POLR3G: variants seen among roughly 807,000 people sequenced by gnomAD.
POLR3G encodes the protein RNA polymerase III subunit G.
POLR3G carries 28 observed loss-of-function variants against 30.1 expected under a neutral mutation model. The ratio of observed to expected loss-of-function variants is 0.93; its 90% CI spans 0.69 to 1.27. The LOEUF is 1.27. Ranked by LOEUF, POLR3G falls within the 50% of genes most tolerant of loss-of-function variation. POLR3G has a pLI of 0.00. For missense variants in POLR3G, 254 were observed against 264.6 expected (o/e 0.96, Z 0.28); for synonymous variants, 79 against 82.5 (o/e 0.96, Z 0.23).
At chr5:90,489,091 G>T (rs1297912784) in intron 3 of POLR3G, among the ~76,000 whole-genome samples, 1 of 152,004 alleles carries the variant, frequency 6.6e-6, no homozygotes, top group Non-Finnish European at 1.5e-5. Flanking sequence ...TCTCTCTCTA[G>T]AATAGTTTGA....
chr5:90,477,406 T>G (rs1458649804), intron 1 of POLR3G, among the ~76,000 whole-genome samples: 1 of 152,034 alleles, frequency 6.6e-6, no homozygotes, highest in Non-Finnish European at 1.5e-5. Context: ...AAAGGGAGAA[T>G]CCGGCCACAG....
intron 6 of POLR3G, 84 bp from the exon 7 acceptor site, chr5:90,506,444 T>G: frequency 1.3e-6 from 2 of 1,487,804 alleles, no homozygotes; most frequent in East Asian, 2.3e-5. Context: ...AATAAGGTGA[T>G]AGATAACTGT....
chr5:90,479,428 G>T (rs144473519), intron 1 of POLR3G, among the ~76,000 whole-genome samples: 2 of 152,112 alleles, frequency 1.3e-5, no homozygotes, highest in Admixed American at 1.3e-4. Context: ...AGCCGAGATC[G>T]CACCAATGCA....
chr5:90,493,323 T>C (rs1328400815), intron 3 of POLR3G, among the ~76,000 whole-genome samples: 5 of 152,140 alleles, frequency 3.3e-5, no homozygotes, highest in Non-Finnish European at 4.4e-5. Flanking sequence ...CTCAGCTCAC[T>C]GCAGCCTCCA....
chr5:90,507,054 G>A (rs937819525), intron 7 of POLR3G, among the ~76,000 whole-genome samples: 8 of 152,156 alleles, frequency 5.3e-5, no homozygotes, highest in African/African-American at 1.9e-4. Flanking sequence ...CCTGCAGTGT[G>A]TTTCAAATTC....
At chr5:90,493,603 T>A (rs1167773841) in intron 3 of POLR3G, among the ~76,000 whole-genome samples, 2 of 149,960 alleles carry the variant, frequency 1.3e-5, no homozygotes, top group Non-Finnish European at 1.5e-5. Flanking sequence ...CTATATAAAA[T>A]TTACTTTTTA....
intron 5 of POLR3G, among the ~76,000 whole-genome samples, chr5:90,500,468 T>C (rs1358653198): frequency 6.6e-6 from 1 of 152,174 alleles, no homozygotes; most frequent in East Asian, 1.9e-4. Flanking sequence ...GAAAAAGACT[T>C]CATGATGTAA....
chr5:90,480,133 A>G (rs765002388), intron 1 of POLR3G, among the ~76,000 whole-genome samples: 2 of 152,228 alleles, frequency 1.3e-5, no homozygotes, highest in Non-Finnish European at 2.9e-5. Context: ...AAATTGGGCC[A>G]TATGAAGTAG....
intron 6 of POLR3G, among the ~76,000 whole-genome samples, chr5:90,505,863 C>T (rs1752458068): frequency 6.6e-6 from 1 of 152,114 alleles, no homozygotes; most frequent in African/African-American, 2.4e-5. Flanking sequence ...TATTTTTCCC[C>T]TTTTATGTTA....
chr5:90,486,706 T>C (rs1451119749), intron 2 of POLR3G, among the ~76,000 whole-genome samples: 5 of 152,198 alleles, frequency 3.3e-5, no homozygotes, highest in African/African-American at 1.2e-4. Context: ...TCCACCTCCA[T>C]CCTCCATGCA....
In POLR3G at chr5:90,491,604, T is replaced by C. The variant is rs145308423; in HGVS notation, c.247+3475T>C. Reference sequence around the variant, plus strand: ...TAACTTTTATTCTTGCATAGAGGTTTTCTAAAGAAGAAACAGACATTTTCT... The same window carrying C: ...TAACTTTTATTCTTGCATAGAGGTTCTCTAAAGAAGAAACAGACATTTTCT... On this transcript the variant is annotated intron_variant, in intron 3 of 7. Transcript: ENST00000651687. Among the ~76,000 whole-genome samples, 1,154 of 152,168 alleles carry C rather than the reference T, an allele frequency of 7.6e-3. 45 individuals carry two copies. The highest frequency in any genetic ancestry group is 0.061 in the Admixed American group (931 of 15,284).
chr5:90,487,171 A>AAATATTG (rs1420098965), intron 2 of POLR3G, among the ~76,000 whole-genome samples: 2 of 152,128 alleles, frequency 1.3e-5, no homozygotes, highest in African/African-American at 4.8e-5. Flanking sequence ...GTAAAAGGAT[A>AAATATTG]AATATTGGTA....
At chr5:90,491,653 A>G (rs1246135494) in intron 3 of POLR3G, among the ~76,000 whole-genome samples, 1 of 152,110 alleles carries the variant, frequency 6.6e-6, no homozygotes, top group Non-Finnish European at 1.5e-5. Flanking sequence ...TCATTTTATC[A>G]TAGAATACCA....
At chr5:90,508,832 G>A (rs1232560310) in intron 7 of POLR3G, among the ~76,000 whole-genome samples, 1 of 152,172 alleles carries the variant, frequency 6.6e-6, no homozygotes, top group Admixed American at 6.5e-5. Flanking sequence ...GGGAGGCCAA[G>A]GCGGGTGGAT....
In POLR3G at chr5:90,497,709, A is replaced by T; in HGVS notation, c.355+3A>T. 6.2e-7 allele frequency: 1 copy of T among 1,603,890 alleles called. No individual in the cohort carries two copies. On this transcript the variant is annotated splice_donor_region_variant and intron_variant, in intron 5 of 7. Transcript: ENST00000651687. Reference sequence around the variant, plus strand: ...GCCAAGAAATAAATGTAAAAAAGGTACATTGACTAATATAATAGTAATTCA... The same window carrying T: ...GCCAAGAAATAAATGTAAAAAAGGTTCATTGACTAATATAATAGTAATTCA...
Position 90,512,042 on chromosome 5 carries a change from A to T in POLR3G, c.586-11A>T. ...TTTAACGTTTACAAAGGAATATATC[A>T]TTTCACTTAGGAAAATGACTACATT... On this transcript the variant is annotated splice_polypyrimidine_tract_variant and intron_variant, in intron 7 of 7. Transcript: ENST00000651687. 2 of 1,551,992 alleles carry T rather than the reference A, an allele frequency of 1.3e-6. No individual in the cohort carries two copies. Among genetic ancestry groups the T allele is most frequent in the Non-Finnish European group, 1.8e-6 (2 of 1,123,974 alleles).
Position 90,506,550 on chromosome 5 carries a change from G to A in POLR3G, c.461G>A (p.Gly154Asp). Reference sequence around the variant, plus strand: ...CAGGAATTGGAAAAAAGAGGTGATGGTGAAAAATCAGATGAGGAAAATGAA... The same window carrying A: ...CAGGAATTGGAAAAAAGAGGTGATGATGAAAAATCAGATGAGGAAAATGAA... ...KMEELEKRGDGEKSDEENEEK... is the reference protein window; with the variant it reads ...KMEELEKRGDDEKSDEENEEK... Residue 154 changes from glycine to aspartate, a missense_variant, in exon 7 of 8, where the codon GGT (glycine) becomes GAT (aspartate). Physicochemically the swap from Gly to Asp is moderately conservative, Grantham distance 94. Transcript: ENST00000651687. 3 of 1,612,884 alleles carry A rather than the reference G, an allele frequency of 1.9e-6. No homozygotes were observed. The highest frequency in any genetic ancestry group is 2.5e-6 in the Non-Finnish European group (3 of 1,179,584).
chr5:90,512,230 T>C lies in POLR3G; in HGVS notation c.*91T>C. On this transcript the variant is annotated 3_prime_UTR_variant, in exon 8 of 8. Transcript: ENST00000651687. ...TATTTTATTTCTGATAAGGAATAAG[T>C]ACTTGTTTCTGTTGTTTTGGACAAA... 1.2e-6 allele frequency: 1 copy of C among 831,052 alleles called. No homozygotes were observed. Among genetic ancestry groups the C allele is most frequent in the South Asian group, 1.6e-5 (1 of 64,142 alleles). 51.5% of individuals were successfully genotyped at this position (831,052 alleles called of 1,614,324 possible).
rs985528463 is a variant in POLR3G, at chr5:90,513,705, T to TATC, written c.*1567_*1569dup. On this transcript the variant is annotated 3_prime_UTR_variant, in exon 8 of 8. Coordinates refer to ENST00000651687, the MANE Select transcript of POLR3G (RefSeq NM_006467.3). ...ATAATTCAAGATGGGTGTGAGGACC[T>TATC]ATCTTATTAGTTTAGTGCTGTGTTA... The TATC allele has an allele frequency of 1.3e-5, 2 of 152,220 alleles. No homozygotes were observed. Among genetic ancestry groups the TATC allele is most frequent in the Admixed American group, 1.3e-4 (2 of 15,284 alleles). 9.4% of individuals were successfully genotyped at this position (152,220 alleles called of 1,614,324 possible).
Sources: gnomAD v4.1 joint callset for allele counts (sites outside exome capture counted in the v4.1 genomes callset) on GRCh38, gnomAD v4.1.1 for gene constraint, MANE v1.5 for transcripts, NCBI Gene and HGNC (gene_info 2026-07-23, HGNC 2026-07-21) for gene names.